Variants in TMEM204 observed in about 807,000 individuals in gnomAD.
TMEM204 encodes the protein claudin-like protein 24.
Under a neutral mutation model 19.4 loss-of-function variants are expected in TMEM204, and 15 were observed. That is an observed-to-expected ratio of 0.77 (90% CI 0.52 to 1.19). The LOEUF (loss-of-function observed/expected upper bound fraction) is 1.19. TMEM204 is among the 50% of genes most tolerant of loss of function. The pLI, the probability that TMEM204 is intolerant of heterozygous loss-of-function variation, is 0.00. For synonymous variants in TMEM204, 161 were observed against 146.0 expected, an observed-to-expected ratio of 1.10 and a Z score of -0.74; for missense variants, 287 against 321.2, an observed-to-expected ratio of 0.89 and a Z score of 0.81.
upstream of TMEM204, chr16:1,533,620 G>A (rs367641709): frequency 2.6e-5 from 4 of 152,262 alleles, no homozygotes; most frequent in African/African-American, 7.2e-5. This position sits in a 1 kb window ranked among gnomAD's most constrained non-coding sequence, Gnocchi z 4.7. Flanking sequence ...TATTTGTTGC[G>A]GTTGGCTACG....
chr16:1,553,219 T>C lies in TMEM204; in HGVS notation c.437-1563T>C. On this transcript the variant is annotated intron_variant, in intron 2 of 2. Transcript: ENST00000566264. The surrounding 1 kb of genome is among the most constrained non-coding windows in gnomAD (Gnocchi z 4.4). The stretch of plus-strand genomic sequence containing the variant: ...CTGTGTCTCTGTCTCTGTCTCTCTC[T>C]GTCTCCATCTGTCTCTGTGTCTGTC... 1 of 979,538 alleles carries C rather than the reference T, an allele frequency of 1.0e-6. No individual in the cohort carries two copies. The allele number at this position is 979,538 out of a possible 1,614,324, so 60.7% of individuals were successfully genotyped here.
intron 1 of TMEM204, among the ~76,000 whole-genome samples, chr16:1,536,252 C>A (rs948340666): frequency 3.3e-5 from 5 of 152,366 alleles, no homozygotes; most frequent in Admixed American, 1.3e-4. Flanking sequence ...TGCGTTCCTC[C>A]AGTCACAGGG....
chr16:1,543,363 G>C (rs2031836359), intron 2 of TMEM204, among the ~76,000 whole-genome samples: 1 of 152,228 alleles, frequency 6.6e-6, no homozygotes, highest in South Asian at 2.1e-4. Context: ...GTGGGGGCAG[G>C]TATTCCTGTG....
At chr16:1,537,934 T>G (rs1020783248) in intron 1 of TMEM204, among the ~76,000 whole-genome samples, 1 of 152,076 alleles carries the variant, frequency 6.6e-6, no homozygotes, top group Non-Finnish European at 1.5e-5. Flanking sequence ...AGGACAGAGC[T>G]CCCGGGCTTC....
rs530698114 is a variant in TMEM204 at position 1,551,356 on chromosome 16, G to A, written c.437-3426G>A. Reference sequence around the variant, plus strand: ...AGCAGGAGGGGCCCCTCCTCCCCAGGGCCAGTCAAGCCGGGGACAGTGGCA... The same window carrying A: ...AGCAGGAGGGGCCCCTCCTCCCCAGAGCCAGTCAAGCCGGGGACAGTGGCA... On this transcript the variant is annotated intron_variant, in intron 2 of 2. Coordinates refer to ENST00000566264, the MANE Select transcript of TMEM204 (RefSeq NM_024600.6). The surrounding 1 kb of genome is among the most constrained non-coding windows in gnomAD (Gnocchi z 4.0). Among the ~76,000 whole-genome samples, 80 of 152,120 alleles carry A rather than the reference G, an allele frequency of 5.3e-4. No homozygotes were observed. The highest frequency in any genetic ancestry group is 9.6e-4 in the Non-Finnish European group (65 of 68,014).
At chr16:1,543,500 G>A (rs1262720544) in intron 2 of TMEM204, among the ~76,000 whole-genome samples, 2 of 152,250 alleles carry the variant, frequency 1.3e-5, no homozygotes, top group African/African-American at 2.4e-5. Flanking sequence ...GGCTTCAGTG[G>A]AAGAGCACAG....
rs191871869 is a variant in TMEM204, at chr16:1,534,476, G to A, written c.201G>A (p.Gln67=). ...CGAGCCCTGGGGCCAGAGCCGGCCA[G>A]GTGGACGCACATGACTGTGAGGCGC... The part of the protein sequence containing the change: ...GGPSPGARAG[Q]VDAHDCEALG... Residue 67 remains glutamine (Q), a synonymous_variant, in exon 1 of 3, where the codon CAG becomes CAA. Transcript: ENST00000566264. 3.7e-6 allele frequency: 6 copies of A among 1,610,792 alleles called. No homozygotes were observed. In the Admixed American group the frequency reaches 1.0e-4, roughly 27 times the overall value.
At chr16:1,552,460 T>C (rs1321069107) in intron 2 of TMEM204, among the ~76,000 whole-genome samples, 2 of 152,034 alleles carry the variant, frequency 1.3e-5, no homozygotes, top group African/African-American at 4.8e-5. Context: ...CGGCAGAAAG[T>C]GCCAGACCCC....
In TMEM204 at chr16:1,534,397, G is replaced by A. The variant is rs746977090; in HGVS notation, c.122G>A (p.Arg41His). Residue 41 changes from arginine to histidine, a missense_variant, in exon 1 of 3, where the codon CGC becomes CAC. Transcript: ENST00000566264. ...VCQTLEDGRR[R>H]SVGLWRSCWL... ...CAGACGCTGGAGGATGGGCGCAGGC[G>A]CAGCGTGGGGCTGTGGAGGTCCTGC... is the stretch of plus-strand genomic sequence containing the variant. The A allele has an allele frequency of 2.4e-5, 39 of 1,612,694 alleles. No individual in the cohort carries two copies. The highest frequency in any genetic ancestry group is 5.3e-5 in the African/African-American group (4 of 75,052).
chr16:1,541,084 G>A, intron 1 of TMEM204: 5 of 985,436 alleles, frequency 5.1e-6, no homozygotes, highest in Non-Finnish European at 6.0e-6. Flanking sequence ...ACCTCCCTCT[G>A]AAGTTCACTC....
At chr16:1,554,125 G>C (rs2032898174) in intron 2 of TMEM204, 3 of 1,287,056 alleles carry the variant, frequency 2.3e-6, no homozygotes, top group Admixed American at 2.3e-5. Context: ...TCGGAAGTGA[G>C]GGAAGACACC....
intron 2 of TMEM204, 54 bp from the exon 3 acceptor site, chr16:1,554,728 G>A (rs1172167854): frequency 2.6e-5 from 41 of 1,598,512 alleles, no homozygotes; most frequent in Non-Finnish European, 3.2e-5. Context: ...TGGGGAAGGA[G>A]TGGAACCCGC....
chr16:1,536,074 C>T (rs373141440), intron 1 of TMEM204, among the ~76,000 whole-genome samples: 71 of 152,344 alleles, frequency 4.7e-4, no homozygotes, highest in African/African-American at 1.5e-3. Context: ...CCATCACTGG[C>T]GTCCAGCCCA....
At chr16:1,552,814 AT>A (rs1396892561) in intron 2 of TMEM204, 4,260 of 201,780 alleles carry the variant, frequency 0.021, no homozygotes, top group Non-Finnish European at 0.033. Flanking sequence ...CACCTCACTA[AT>A]TTTTTTTTTT....
chr16:1,530,023 C>T (rs1416050219), upstream of TMEM204, among the ~76,000 whole-genome samples: 2 of 151,996 alleles, frequency 1.3e-5, no homozygotes, highest in African/African-American at 4.8e-5. Context: ...TGGGTGGTGG[C>T]AGCACTGGGG....
chr16:1,537,803 G>A (rs2031223445), intron 1 of TMEM204, among the ~76,000 whole-genome samples: 1 of 152,218 alleles, frequency 6.6e-6, no homozygotes, highest in Admixed American at 6.5e-5. Flanking sequence ...GCGAGCCAGA[G>A]CCTGGCGCTA....
chr16:1,555,069 G>A lies in TMEM204; in HGVS notation c.*43G>A. 2 of 1,571,678 alleles carry A rather than the reference G, an allele frequency of 1.3e-6. No homozygotes were observed. The highest frequency in any genetic ancestry group is 1.7e-6 in the Non-Finnish European group (2 of 1,161,290). ...TCCATCAACGCACACCTGCTATCGT[G>A]GAACAGCCTAGAAACCAAGGGACTC... On this transcript the variant is annotated 3_prime_UTR_variant, in exon 3 of 3. Transcript: ENST00000566264.
chr16:1,553,145 A>AG lies in TMEM204; in HGVS notation c.437-1635dup. Reference sequence around the variant, plus strand: ...ATGAAAAGATAATGCTTGGGTTTTTAGGAAAAACAAGGCTGGTTACCCATC... The same window carrying AG: ...ATGAAAAGATAATGCTTGGGTTTTTAGGGAAAAACAAGGCTGGTTACCCATC... On this transcript the variant is annotated intron_variant, in intron 2 of 2. Coordinates refer to ENST00000566264, the MANE Select transcript of TMEM204 (RefSeq NM_024600.6). This position sits in a 1 kb window ranked among gnomAD's most constrained non-coding sequence, Gnocchi z 4.4. 1 of 985,392 alleles carries AG rather than the reference A, an allele frequency of 1.0e-6. No individual in the cohort carries two copies. The highest frequency in any genetic ancestry group is 1.2e-6 in the Non-Finnish European group (1 of 829,930). The allele number at this position is 985,392 out of a possible 1,614,324, so 61.0% of individuals were successfully genotyped here.
chr16:1,540,615 C>T (rs554777206), intron 1 of TMEM204, among the ~76,000 whole-genome samples: 91 of 152,280 alleles, frequency 6.0e-4, no homozygotes, highest in Middle Eastern at 3.4e-3. Context: ...GTGATGAATG[C>T]GGGCACAGGG....
Sources: gnomAD v4.1 joint callset for allele counts (sites outside exome capture counted in the v4.1 genomes callset) on GRCh38, gnomAD v4.1.1 for gene constraint, Gnocchi (gnomAD v3.1) non-coding constraint, MANE v1.5 for transcripts, NCBI Gene and HGNC (gene_info 2026-07-23, HGNC 2026-07-21) for gene names.